Variants in SATB2 observed in about 807,000 individuals in gnomAD.
SATB2 encodes the protein SATB homeobox 2, also known as DNA-binding protein SATB2.
In SATB2, 1 loss-of-function variant was observed where a neutral mutation model predicts 73.4. That is an observed-to-expected ratio of 0.01 (90% CI 0.00 to 0.06). The LOEUF is 0.06. Among genes scored for constraint, SATB2 ranks in the 10% least tolerant of loss-of-function variants. The pLI is 1.00. For synonymous variants in SATB2, 397 were observed against 367.0 expected, an observed-to-expected ratio of 1.08 and a Z score of -0.93; for missense variants, 459 against 945.8, an observed-to-expected ratio of 0.49 and a Z score of 6.75.
chr2:199,381,703 T>C lies in SATB2; in HGVS notation c.464A>G (p.Gln155Arg). ...GTTCAGAAACACCCACCTTTGTAATTGGATTTTCAACGTCACAACATGATA... is the reference window on the plus strand; with the variant it reads ...GTTCAGAAACACCCACCTTTGTAATCGGATTTTCAACGTCACAACATGATA... ...DVYHVVTLKIQLQSCSKLEDL... is the reference protein window; with the variant it reads ...DVYHVVTLKIRLQSCSKLEDL... The change falls in exon 4 of 11, where the codon CAA becomes CGA. Residue 155 changes from glutamine to arginine, a missense_variant. Gln to Arg is a conservative substitution (Grantham distance 43, BLOSUM62 1). Coordinates refer to ENST00000417098, the MANE Select transcript of SATB2 (RefSeq NM_001172509.2). 6 of 1,614,056 alleles carry C rather than the reference T, an allele frequency of 3.7e-6. No individual in the cohort carries two copies. The highest frequency in any genetic ancestry group is 2.2e-5 in the East Asian group (1 of 44,884).
chr2:199,443,881 A>C (rs1691891272), intron 2 of SATB2, among the ~76,000 whole-genome samples: 1 of 152,210 alleles, frequency 6.6e-6, no homozygotes, highest in Non-Finnish European at 1.5e-5. Context: ...TGTATTCTCC[A>C]GTCCCCTTAG....
chr2:199,376,612 C>T lies in SATB2; in HGVS notation c.597+3752G>A, dbSNP rs574789787. The stretch of plus-strand genomic sequence containing the variant: ...AGGTTAAATTCCTGCATTATAGTAA[C>T]AGCTACATACAAAATATATATTATG... On this transcript the variant is annotated intron_variant, in intron 5 of 10. Transcript: ENST00000417098. Among the ~76,000 whole-genome samples, 193 of 152,278 alleles carry T rather than the reference C, an allele frequency of 1.3e-3. 1 individual carries two copies. Among genetic ancestry groups the T allele is most frequent in the African/African-American group, 4.5e-3 (188 of 41,562 alleles).
chr2:199,339,894 T>C (rs1000849204), intron 7 of SATB2, among the ~76,000 whole-genome samples: 1 of 152,198 alleles, frequency 6.6e-6, no homozygotes, highest in African/African-American at 2.4e-5. Context: ...AATATTTTGG[T>C]TGCCAGGATT....
upstream of SATB2, chr2:199,467,402 C>A (rs547410342): frequency 2.0e-5 from 3 of 152,292 alleles, no homozygotes; most frequent in African/African-American, 2.4e-5. Context: ...TCCCCTCCCC[C>A]CAACTCTCAG....
At chr2:199,432,758 A>G (rs562902154) in intron 3 of SATB2, among the ~76,000 whole-genome samples, 73 of 152,336 alleles carry the variant, frequency 4.8e-4, no homozygotes, top group African/African-American at 1.6e-3. Context: ...CGGGCTCCCC[A>G]GTATTGTACA....
At chr2:199,376,333 T>C (rs1689604680) in intron 5 of SATB2, among the ~76,000 whole-genome samples, 1 of 152,216 alleles carries the variant, frequency 6.6e-6, no homozygotes, top group South Asian at 2.1e-4. Flanking sequence ...GTAATAATAA[T>C]AAAACTTTAC....
chr2:199,458,345 G>T, upstream of SATB2: 2 of 271,406 alleles, frequency 7.4e-6, no homozygotes, highest in South Asian at 5.6e-5. Context: ...GGCGAGGGGC[G>T]GGTGGGAGGC....
At chr2:199,370,497 C>T (rs1259833860) in intron 5 of SATB2, among the ~76,000 whole-genome samples, 1 of 152,150 alleles carries the variant, frequency 6.6e-6, no homozygotes, top group African/African-American at 2.4e-5. Context: ...TCTGGAAAGG[C>T]ACAGGATACA....
chr2:199,352,061 C>T (rs1574536333), intron 6 of SATB2, among the ~76,000 whole-genome samples: 1 of 152,084 alleles, frequency 6.6e-6, no homozygotes, highest in African/African-American at 2.4e-5. Context: ...TTAGTAGAGA[C>T]GGGGTTTCAC....
intron 3 of SATB2, among the ~76,000 whole-genome samples, chr2:199,405,836 A>G (rs533315291): frequency 3.3e-5 from 5 of 152,268 alleles, no homozygotes; most frequent in African/African-American, 9.6e-5. Flanking sequence ...TCTCAAATCC[A>G]TTCTTATTTA....
chr2:199,439,458 T>C (rs2054407673), intron 2 of SATB2, among the ~76,000 whole-genome samples: 1 of 152,210 alleles, frequency 6.6e-6, no homozygotes, highest in Non-Finnish European at 1.5e-5. Flanking sequence ...CTGGAGATTA[T>C]AAAGACTGTA....
chr2:199,439,829 C>T (rs9989882), intron 2 of SATB2, among the ~76,000 whole-genome samples: 7,826 of 152,164 alleles, frequency 0.051, 694 homozygotes, highest in African/African-American at 0.18. Flanking sequence ...AGAGGCTGGG[C>T]GCAGTGGCTC....
At chr2:199,429,402 A>C (rs146109064) in intron 3 of SATB2, among the ~76,000 whole-genome samples, 113 of 152,340 alleles carry the variant, frequency 7.4e-4, no homozygotes, top group African/African-American at 2.5e-3. Context: ...CTGAGAATGT[A>C]CTTGGCACCC....
intron 10 of SATB2, among the ~76,000 whole-genome samples, chr2:199,292,929 T>C (rs1410429608): frequency 1.3e-5 from 2 of 152,220 alleles, no homozygotes; most frequent in Non-Finnish European, 2.9e-5. Flanking sequence ...GTTTCCGCAG[T>C]TGCAGTACAT....
chr2:199,417,334 T>A (rs1691024754), intron 3 of SATB2, among the ~76,000 whole-genome samples: 1 of 152,148 alleles, frequency 6.6e-6, no homozygotes. Context: ...AAATACCTAC[T>A]GACAACGCAT....
upstream of SATB2, among the ~76,000 whole-genome samples, chr2:199,462,937 C>T (rs893099493): frequency 6.6e-5 from 10 of 152,358 alleles, 1 homozygote; most frequent in South Asian, 1.2e-3. This position sits in a 1 kb window ranked among gnomAD's most constrained non-coding sequence, Gnocchi z 5.9. Context: ...GGAGCTGCCT[C>T]AGGCGAGGAC....
At chr2:199,303,802 A>G (rs1338326432) in intron 10 of SATB2, among the ~76,000 whole-genome samples, 1 of 152,168 alleles carries the variant, frequency 6.6e-6, no homozygotes, top group Non-Finnish European at 1.5e-5. Flanking sequence ...GTCAAGGGAC[A>G]ATGCTGGTGT....
At chr2:199,374,901 C>T (rs548584451) in intron 5 of SATB2, among the ~76,000 whole-genome samples, 91 of 151,244 alleles carry the variant, frequency 6.0e-4, no homozygotes, top group African/African-American at 2.1e-3. Context: ...GAGGCAGAGG[C>T]TGCAGTGAGC....
chr2:199,327,631 C>T (rs1041465803), intron 8 of SATB2, among the ~76,000 whole-genome samples: 12 of 151,992 alleles, frequency 7.9e-5, no homozygotes, highest in African/African-American at 2.9e-4. Context: ...AGAAATGACC[C>T]CTGACTGCCT....
Sources: allele counts gnomAD v4.1 joint callset (sites outside exome capture counted in the v4.1 genomes callset), GRCh38; gene constraint gnomAD v4.1.1; non-coding constraint Gnocchi (gnomAD v3.1); transcripts MANE v1.5; gene names NCBI Gene and HGNC (gene_info 2026-07-23, HGNC 2026-07-21).